The following GALNT18 variants were observed in gnomAD, a reference collection of about 807,000 sequenced individuals.
The protein encoded by GALNT18 is polypeptide N-acetylgalactosaminyltransferase 18.
Under a neutral mutation model 69.5 loss-of-function variants are expected in GALNT18, and 44 were observed. That is an observed-to-expected ratio of 0.63 (90% CI 0.50 to 0.81). GALNT18 has a LOEUF of 0.81. GALNT18 is among the 40% of genes least tolerant of loss of function. GALNT18 has a pLI of 0.00. For missense variants in GALNT18, 715 were observed against 810.0 expected (o/e 0.88, Z 1.42); for synonymous variants, 364 against 318.2 (o/e 1.14, Z -1.53).
chr11:11,470,842 T>G lies in GALNT18; in HGVS notation c.236-21906A>C, dbSNP rs1856251433. Among the ~76,000 whole-genome samples, 2 of 152,178 alleles carry G rather than the reference T, an allele frequency of 1.3e-5. No individual in the cohort carries two copies. Among genetic ancestry groups the G allele is most frequent in the Non-Finnish European group, 2.9e-5 (2 of 68,024 alleles). On this transcript the variant is annotated intron_variant, in intron 1 of 10. Transcript: ENST00000227756. This position sits in a 1 kb window ranked among gnomAD's most constrained non-coding sequence, Gnocchi z 4.8. ...GCTGCATTCTTAGCCTCTGACCATC[T>G]GTGGCCCCAGGACACTACTGTGCTC...
At position 11,621,230 on chromosome 11, in the gene GALNT18, A is replaced by G; in HGVS notation, c.235+129T>C. ...CAGGAGCTCACACGCAGGCCCCACGACTACCACGCATCTGCGGCCCCAGAG... is the reference window on the plus strand; with the variant it reads ...CAGGAGCTCACACGCAGGCCCCACGGCTACCACGCATCTGCGGCCCCAGAG... On this transcript the variant is annotated intron_variant, in intron 1 of 10. Transcript: ENST00000227756. The surrounding 1 kb of genome is among the most constrained non-coding windows in gnomAD (Gnocchi z 9.3). 5.6e-6 allele frequency: 4 copies of G among 712,728 alleles called. No individual in the cohort carries two copies. The highest frequency in any genetic ancestry group is 9.5e-6 in the Non-Finnish European group (4 of 421,712). 44.2% of individuals were successfully genotyped at this position (712,728 alleles called of 1,614,324 possible). A position where few individuals can be genotyped will look rare whatever the true frequency, so the allele number is the denominator to read the frequency against.
At position 11,584,139 on chromosome 11, in the gene GALNT18, C is replaced by G. The variant is rs745470441; in HGVS notation, c.235+37220G>C. On this transcript the variant is annotated intron_variant, in intron 1 of 10. Coordinates refer to ENST00000227756, the MANE Select transcript of GALNT18 (RefSeq NM_198516.3). The surrounding 1 kb of genome is among the most constrained non-coding windows in gnomAD (Gnocchi z 4.1). ...AAAAAGGGGAAGTAGAAGAAGCGGCCCCTGAGATTCCAGGGAACTTGGTTC... is the reference window on the plus strand; with the variant it reads ...AAAAAGGGGAAGTAGAAGAAGCGGCGCCTGAGATTCCAGGGAACTTGGTTC... 6.6e-6 allele frequency among the ~76,000 whole-genome samples: 1 copy of G among 151,936 alleles called. No individual in the cohort carries two copies. Among genetic ancestry groups the G allele is most frequent in the African/African-American group, 2.4e-5 (1 of 41,354 alleles).
At chr11:11,381,602 C>T (rs1853920812) in intron 3 of GALNT18, among the ~76,000 whole-genome samples, 1 of 152,224 alleles carries the variant, frequency 6.6e-6, no homozygotes, top group South Asian at 2.1e-4. Flanking sequence ...CAGCAGGACA[C>T]AGCAAGAGGG....
chr11:11,378,792 C>T (rs945021006), intron 4 of GALNT18, among the ~76,000 whole-genome samples: 1 of 152,126 alleles, frequency 6.6e-6, no homozygotes, highest in African/African-American at 2.4e-5. Context: ...TGGCATGTAC[C>T]CTTCTCCCTG....
intron 1 of GALNT18, among the ~76,000 whole-genome samples, chr11:11,502,468 A>T (rs1436566490): frequency 6.6e-6 from 1 of 152,238 alleles, no homozygotes; most frequent in East Asian, 1.9e-4. Flanking sequence ...TGCGCAAAGG[A>T]AAACAGGTAG....
rs952742467 is a variant in GALNT18 at position 11,339,272 on chromosome 11, G to A, written c.1278+1547C>T. Among the ~76,000 whole-genome samples the A allele has an allele frequency of 1.1e-4, 16 of 152,108 alleles. No homozygotes were observed. Among genetic ancestry groups the A allele is most frequent in the Non-Finnish European group, 1.8e-4 (12 of 68,034 alleles). ...ATTTGATTTGAACTACCACCTTGAG[G>A]AGTCGCAGACAGACACTGAATTTCA... On this transcript the variant is annotated intron_variant, in intron 7 of 10. Coordinates refer to ENST00000227756, the MANE Select transcript of GALNT18 (RefSeq NM_198516.3). The surrounding 1 kb of genome is among the most constrained non-coding windows in gnomAD (Gnocchi z 5.2).
At chr11:11,513,643 C>G (rs1299551060) in intron 1 of GALNT18, among the ~76,000 whole-genome samples, 1 of 152,188 alleles carries the variant, frequency 6.6e-6, no homozygotes, top group Non-Finnish European at 1.5e-5. Flanking sequence ...TCAAGTAATC[C>G]AATCTGTTTT....
intron 1 of GALNT18, among the ~76,000 whole-genome samples, chr11:11,560,767 G>T (rs1858486208): frequency 6.6e-6 from 1 of 152,192 alleles, no homozygotes; most frequent in Non-Finnish European, 1.5e-5. Context: ...ATTTTCTTGG[G>T]CCCTCAGACC....
chr11:11,499,853 T>TGGGAAGAGGGTCTCCAACACCA (rs1483236610), intron 1 of GALNT18, among the ~76,000 whole-genome samples: 1 of 152,134 alleles, frequency 6.6e-6, no homozygotes, highest in Non-Finnish European at 1.5e-5. Flanking sequence ...GTAATGTGGA[T>TGGGAAGAGGGTCTCCAACACCA]GGGAAGAGGG....
intron 1 of GALNT18, among the ~76,000 whole-genome samples, chr11:11,572,638 T>C (rs1020403797): frequency 1.3e-5 from 2 of 151,224 alleles, no homozygotes; most frequent in African/African-American, 2.4e-5. Context: ...GGATGTGAAG[T>C]TCTACACAGA....
chr11:11,607,491 T>C (rs1859784746), intron 1 of GALNT18, among the ~76,000 whole-genome samples: 1 of 152,232 alleles, frequency 6.6e-6, no homozygotes. Context: ...TAAAAAAGTA[T>C]GGAATGTACC....
intron 1 of GALNT18, among the ~76,000 whole-genome samples, chr11:11,558,489 G>C (rs1475343770): frequency 6.6e-6 from 1 of 152,258 alleles, no homozygotes; most frequent in Non-Finnish European, 1.5e-5. Flanking sequence ...CACAGCGCTT[G>C]TCCCTGCAGG....
intron 1 of GALNT18, among the ~76,000 whole-genome samples, chr11:11,569,278 C>T (rs1263931775): frequency 6.7e-6 from 1 of 149,842 alleles, no homozygotes; most frequent in Non-Finnish European, 1.5e-5. Flanking sequence ...TTCAGAGACA[C>T]CATCAAGGAA....
chr11:11,443,450 C>G (rs1213734310), intron 2 of GALNT18, among the ~76,000 whole-genome samples: 1 of 152,130 alleles, frequency 6.6e-6, no homozygotes, highest in Non-Finnish European at 1.5e-5. Context: ...ATGTGTACGC[C>G]TCTGTAGTCC....
At chr11:11,468,541 G>GA (rs5789687) in intron 1 of GALNT18, among the ~76,000 whole-genome samples, 87,922 of 149,588 alleles carry the variant, frequency 0.59, 25,758 homozygotes, top group East Asian at 0.74. Flanking sequence ...GAAACAGATG[G>GA]AAAAAAAAAA....
At chr11:11,327,879 C>A (rs534820009) in intron 8 of GALNT18, among the ~76,000 whole-genome samples, 1 of 152,326 alleles carries the variant, frequency 6.6e-6, no homozygotes, top group African/African-American at 2.4e-5. Flanking sequence ...GACCTCATGG[C>A]CCTGCTCACC....
chr11:11,298,861 A>T (rs1209056141), intron 9 of GALNT18, among the ~76,000 whole-genome samples: 1 of 152,202 alleles, frequency 6.6e-6, no homozygotes, highest in African/African-American at 2.4e-5. Context: ...CAGGAGGAGG[A>T]CGTTGCAGAT....
chr11:11,304,072 C>T (rs1849538872), intron 9 of GALNT18, among the ~76,000 whole-genome samples: 1 of 152,148 alleles, frequency 6.6e-6, no homozygotes, highest in African/African-American at 2.4e-5. Flanking sequence ...AAGTAGACTT[C>T]TCCCAGGAAT....
At chr11:11,423,943 G>A (rs901545) in intron 3 of GALNT18, among the ~76,000 whole-genome samples, 10,923 of 152,252 alleles carry the variant, frequency 0.072, 444 homozygotes, top group Non-Finnish European at 0.088. Flanking sequence ...ATGAGCTGGG[G>A]GCGCCTGGTC....
Sources: gnomAD v4.1 joint callset for allele counts (sites outside exome capture counted in the v4.1 genomes callset) on GRCh38, gnomAD v4.1.1 for gene constraint, Gnocchi (gnomAD v3.1) non-coding constraint, MANE v1.5 for transcripts, NCBI Gene and HGNC (gene_info 2026-07-23, HGNC 2026-07-21) for gene names.